DISP3: variants seen among roughly 807,000 people sequenced by gnomAD.
DISP3 encodes dispatched RND transporter family member 3, also known as protein dispatched homolog 3.
A neutral mutation model predicts 135.3 loss-of-function variants in DISP3; 101 were observed. That is an observed-to-expected ratio of 0.75 (90% confidence interval 0.64 to 0.88). DISP3 has a LOEUF of 0.88. Ranked by LOEUF, DISP3 falls within the 40% of genes least tolerant of loss-of-function variation. The pLI is 0.00. For missense variants in DISP3, 1,713 were observed against 1,878.6 expected (o/e 0.91, Z 1.63); for synonymous variants, 856 against 817.0 (o/e 1.05, Z -0.81).
At chr1:11,486,080 AC>A (rs759686075) in intron 1 of DISP3, among the ~76,000 whole-genome samples, 2 of 152,186 alleles carry the variant, frequency 1.3e-5, no homozygotes, top group African/African-American at 2.4e-5. Context: ...CTGCTAAGCC[AC>A]CGAACAGATC....
rs750406585 is a variant in DISP3, at chr1:11,526,755, G to T, written c.2718G>T (p.Thr906=). 10 of 1,613,760 alleles carry T rather than the reference G, an allele frequency of 6.2e-6. No individual in the cohort carries two copies. Among genetic ancestry groups the T allele is most frequent in the African/African-American group, 1.3e-5 (1 of 74,940 alleles). The change falls in exon 13 of 21, where the codon ACG becomes ACT. Residue 906 remains threonine (T), a synonymous_variant. Transcript: ENST00000294484. ...AASPSRKWML[T]TLACDAKRGW... ...GCCCCTCCCGCAAGTGGATGCTGAC[G>T]ACCTTGGCCTGTGATGCCAAGCGGG...
chr1:11,497,876 A>G (rs1218138323), intron 1 of DISP3, among the ~76,000 whole-genome samples: 2 of 152,164 alleles, frequency 1.3e-5, no homozygotes, highest in Admixed American at 1.3e-4. Flanking sequence ...ACCTCACCCA[A>G]GTTCATCGGA....
chr1:11,492,427 A>G (rs1557593619), intron 1 of DISP3, among the ~76,000 whole-genome samples: 1 of 152,156 alleles, frequency 6.6e-6, no homozygotes, highest in Non-Finnish European at 1.5e-5. Flanking sequence ...CAGCGCCCAT[A>G]GTTTCCTCAC....
rs769544518 is a variant in DISP3, at chr1:11,502,059, G to A, written c.1067G>A (p.Gly356Asp). The change falls in exon 2 of 21, where the codon GGC (glycine) becomes GAC (aspartate). Residue 356 changes from glycine to aspartate, a missense_variant. Physicochemically the swap from Gly to Asp is moderately conservative, Grantham distance 94. This residue lies in a region of DISP3 where 571 missense variants were observed against 494.1 expected (regional missense o/e 1.16). Transcript: ENST00000294484. The stretch of plus-strand genomic sequence containing the variant: ...AGGGGCGGCAAGATCTACTATGACG[G>A]CATGGGCCAGGACCTGGCGGACATC... ...TERGGKIYYD[G>D]MGQDLADIRG... 18 of 1,587,964 alleles carry A rather than the reference G, an allele frequency of 1.1e-5. No homozygotes were observed. The South Asian group carries it at 1.8e-4, about 16-fold the overall frequency.
At chr1:11,505,743 T>G (rs963073337) in intron 3 of DISP3, among the ~76,000 whole-genome samples, 2 of 152,250 alleles carry the variant, frequency 1.3e-5, no homozygotes, top group Non-Finnish European at 2.9e-5. Flanking sequence ...GCATTTATGT[T>G]GCATGCATTT....
Position 11,519,662 on chromosome 1 carries a change from G to C in DISP3, c.2039-57G>C. The C allele has an allele frequency of 6.3e-7, 1 of 1,588,394 alleles. No homozygotes were observed. Among genetic ancestry groups the C allele is most frequent in the South Asian group, 1.1e-5 (1 of 89,344 alleles). ...CATCTGGGCTTCCCTGGAAGCGAGCGTGGACCACAGTGGGCTTTGATTCAG... is the reference window on the plus strand; with the variant it reads ...CATCTGGGCTTCCCTGGAAGCGAGCCTGGACCACAGTGGGCTTTGATTCAG... On this transcript the variant is annotated intron_variant, in intron 8 of 20. Coordinates refer to ENST00000294484, the MANE Select transcript of DISP3 (RefSeq NM_020780.2). This position sits in a 1 kb window ranked among gnomAD's most constrained non-coding sequence, Gnocchi z 4.3.
intron 1 of DISP3, among the ~76,000 whole-genome samples, chr1:11,487,441 C>G (rs1314823284): frequency 6.6e-6 from 1 of 152,240 alleles, no homozygotes; most frequent in Non-Finnish European, 1.5e-5. Flanking sequence ...TGAGGCTCAG[C>G]AGGTGCGCTT....
In DISP3 at chr1:11,519,670, C is replaced by T. The variant is rs1334580274; in HGVS notation, c.2039-49C>T. On this transcript the variant is annotated intron_variant, in intron 8 of 20. Transcript: ENST00000294484. This position sits in a 1 kb window ranked among gnomAD's most constrained non-coding sequence, Gnocchi z 4.3. ...CTTCCCTGGAAGCGAGCGTGGACCA[C>T]AGTGGGCTTTGATTCAGGCTCTGAC... 1 of 1,595,862 alleles carries T rather than the reference C, an allele frequency of 6.3e-7. No homozygotes were observed. The highest frequency in any genetic ancestry group is 1.3e-5 in the African/African-American group (1 of 74,698).
intron 17 of DISP3, chr1:11,533,623 C>T: frequency 1.6e-6 from 1 of 628,948 alleles, no homozygotes; most frequent in South Asian, 1.8e-5. Flanking sequence ...ACTCACCTCC[C>T]TCTGCAGACT....
Position 11,529,586 on chromosome 1 carries a change from C to T in DISP3, c.2829C>T (p.Pro943=). The change falls in exon 14 of 21, where the codon CCC becomes CCT. Residue 943 remains proline, a synonymous_variant. Transcript: ENST00000294484. This position sits in a 1 kb window ranked among gnomAD's most constrained non-coding sequence, Gnocchi z 4.7. ...TGTACTTCGCCCAGTCCCACAAGCCCCCCTTCCACGGGCGCGTATGCATGG... is the reference window on the plus strand; with the variant it reads ...TGTACTTCGCCCAGTCCCACAAGCCTCCCTTCCACGGGCGCGTATGCATGG... The part of the protein sequence containing the change: ...RKLYFAQSHK[P]PFHGRVCMAP... 1 of 1,597,396 alleles carries T rather than the reference C, an allele frequency of 6.3e-7. No individual in the cohort carries two copies. The highest frequency in any genetic ancestry group is 8.6e-7 in the Non-Finnish European group (1 of 1,168,592).
Position 11,536,070 on chromosome 1 carries a change from G to A in DISP3, c.3817-254G>A, listed in dbSNP as rs77165370. On this transcript the variant is annotated intron_variant, in intron 20 of 20. Coordinates refer to ENST00000294484, the MANE Select transcript of DISP3 (RefSeq NM_020780.2). The surrounding 1 kb of genome is among the most constrained non-coding windows in gnomAD (Gnocchi z 4.3). ...ATTTTTTTCTTTAGTTTGGAATTGCGTTGGTGTGAAAACATTCACAAATGT... is the reference window on the plus strand; with the variant it reads ...ATTTTTTTCTTTAGTTTGGAATTGCATTGGTGTGAAAACATTCACAAATGT... Among the ~76,000 whole-genome samples, 400 of 152,266 alleles carry A rather than the reference G, an allele frequency of 2.6e-3. No homozygotes were observed. The highest frequency in any genetic ancestry group is 9.1e-3 in the African/African-American group (378 of 41,534).
In DISP3 at chr1:11,520,013, C is replaced by A. The variant is rs1044645993; in HGVS notation, c.2200+133C>A. The stretch of plus-strand genomic sequence containing the variant: ...GGCTGGGGTCTCTCCCTCTCTGACC[C>A]CCCCTCTTTCCTGTGCAGAATGAAG... On this transcript the variant is annotated intron_variant, in intron 9 of 20. Transcript: ENST00000294484. The surrounding 1 kb of genome is among the most constrained non-coding windows in gnomAD (Gnocchi z 4.8). 3.6e-5 allele frequency: 30 copies of A among 823,948 alleles called. No individual in the cohort carries two copies. The Admixed American group carries it at 6.3e-4, about 17-fold the overall frequency. The allele number at this position is 823,948 out of a possible 1,614,324, so 51.0% of individuals were successfully genotyped here.
chr1:11,502,774 A>G lies in DISP3; in HGVS notation c.1193A>G (p.Glu398Gly), dbSNP rs1162473006. ...CTGAAGAGCTCCCTCCTGCGCAGTG[A>G]GATCCTGTTTGGAGCACCCCTGCCC... ...DNLKSSLLRS[E>G]ILFGAPLPNY... The change falls in exon 3 of 21, where the codon GAG becomes GGG. Residue 398 changes from glutamate (E) to glycine (G), a missense_variant. Physicochemically the swap from Glu to Gly is moderately conservative, Grantham distance 98 (BLOSUM62 -2). This residue lies in a region of DISP3 where 1,142 missense variants were observed against 1,384.6 expected (regional missense o/e 0.82). Coordinates refer to ENST00000294484, the MANE Select transcript of DISP3 (RefSeq NM_020780.2). The G allele has an allele frequency of 6.2e-7, 1 of 1,614,190 alleles. No individual in the cohort carries two copies. Among genetic ancestry groups the G allele is most frequent in the East Asian group, 2.2e-5 (1 of 44,874 alleles).
chr1:11,519,491 G>A lies in DISP3; in HGVS notation c.2026G>A (p.Glu676Lys), dbSNP rs776975033. 29 of 1,613,390 alleles carry A rather than the reference G, an allele frequency of 1.8e-5. No homozygotes were observed. Among genetic ancestry groups the A allele is most frequent in the South Asian group, 3.3e-5 (3 of 91,080 alleles). Residue 676 changes from glutamate to lysine, a missense_variant, in exon 8 of 21, where the codon GAG becomes AAG. This residue lies in a region of DISP3 where 1,142 missense variants were observed against 1,384.6 expected (regional missense o/e 0.82). Transcript: ENST00000294484. This position sits in a 1 kb window ranked among gnomAD's most constrained non-coding sequence, Gnocchi z 4.3. ...TGATGACATCCCCTTGCTGGAGGTC[G>A]AGGAAGAGCCAGGTGAGAGCTGGCA... ...LDDDIPLLEV[E>K]EEPVSLELGD...
Position 11,519,208 on chromosome 1 carries a change from A to G in DISP3, c.1890-147A>G. On this transcript the variant is annotated intron_variant, in intron 7 of 20. Transcript: ENST00000294484. The surrounding 1 kb of genome is among the most constrained non-coding windows in gnomAD (Gnocchi z 4.3). The stretch of plus-strand genomic sequence containing the variant: ...GGTACTAGAAAGAAACCAGGTGACC[A>G]GCTCCCAGAAGTCTGGGGTGCTCAT... 1.0e-5 allele frequency: 10 copies of G among 979,334 alleles called. No homozygotes were observed. Among genetic ancestry groups the G allele is most frequent in the Non-Finnish European group, 1.4e-5 (9 of 663,336 alleles). The allele number at this position is 979,334 out of a possible 1,614,324, so 60.7% of individuals were successfully genotyped here.
chr1:11,528,577 A>G (rs1642491456), intron 13 of DISP3, among the ~76,000 whole-genome samples: 2 of 152,238 alleles, frequency 1.3e-5, no homozygotes, highest in South Asian at 2.1e-4. Context: ...ATTACAAACT[A>G]TGATACGTGC....
chr1:11,496,981 T>C (rs747774115), intron 1 of DISP3, among the ~76,000 whole-genome samples: 1 of 152,206 alleles, frequency 6.6e-6, no homozygotes. Context: ...GTGATGCCCT[T>C]GTGGCACTTT....
chr1:11,527,336 T>A (rs2100503709), intron 13 of DISP3, among the ~76,000 whole-genome samples: 1 of 151,934 alleles, frequency 6.6e-6, no homozygotes, highest in Admixed American at 6.5e-5. Context: ...GATCACGAGG[T>A]CAGCCGATCG....
In DISP3 at chr1:11,526,705, A is replaced by G. The variant is rs373593939; in HGVS notation, c.2668A>G (p.Thr890Ala). The change falls in exon 13 of 21, where the codon ACA (threonine) becomes GCA (alanine). Residue 890 changes from threonine to alanine, a missense_variant. Thr to Ala is a moderately conservative substitution (Grantham distance 58, BLOSUM62 0). Around this residue, in one of 2 missense-constraint regions of DISP3, gnomAD observed 1,142 missense variants for 1,384.6 expected, o/e 0.82. Coordinates refer to ENST00000294484, the MANE Select transcript of DISP3 (RefSeq NM_020780.2). Reference protein sequence around the residue: ...FTKKLTACMSTVGLLQAASPS... With the variant: ...FTKKLTACMSAVGLLQAASPS... ...CAAGAAGCTGACCGCTTGTATGTCT[A>G]CAGTAGGGCTGCTCCAGGCGGCGAG... 2 of 1,614,118 alleles carry G rather than the reference A, an allele frequency of 1.2e-6. No homozygotes were observed. Among genetic ancestry groups the G allele is most frequent in the Non-Finnish European group, 1.7e-6 (2 of 1,180,038 alleles).
Sources: gnomAD v4.1 joint callset for allele counts (sites outside exome capture counted in the v4.1 genomes callset) on GRCh38, gnomAD v4.1.1 for gene constraint, gnomAD v4.1.1 regional missense constraint, Gnocchi (gnomAD v3.1) non-coding constraint, MANE v1.5 for transcripts, NCBI Gene and HGNC (gene_info 2026-07-23, HGNC 2026-07-21) for gene names.